The following MYRIP variants were observed in gnomAD, a reference collection of about 807,000 sequenced individuals.
The protein encoded by MYRIP is rab effector MyRIP.
In MYRIP, 49 loss-of-function variants were observed where a neutral mutation model predicts 98.0. The observed-to-expected ratio is 0.50, with a 90% CI of 0.40 to 0.63. The LOEUF (loss-of-function observed/expected upper bound fraction) is 0.63, where lower values mean the gene tolerates loss of function less well. MYRIP is among the 30% of genes least tolerant of loss of function. The pLI, the probability that MYRIP is intolerant of heterozygous loss-of-function variation, is 0.00. For synonymous variants in MYRIP, 404 were observed against 409.5 expected (o/e 0.99, Z 0.16); for missense variants, 1,004 against 1,058.2 (o/e 0.95, Z 0.71).
At chr3:39,994,702 G>A (rs1218136115) in intron 2 of MYRIP, among the ~76,000 whole-genome samples, 1 of 152,222 alleles carries the variant, frequency 6.6e-6, no homozygotes, top group Non-Finnish European at 1.5e-5. Context: ...GGTTCTCCCA[G>A]CATGCAGCTG....
At chr3:40,191,352 T>TATGCCC (rs1170338137) in intron 10 of MYRIP, among the ~76,000 whole-genome samples, 5 of 152,206 alleles carry the variant, frequency 3.3e-5, no homozygotes, top group Non-Finnish European at 4.4e-5. Context: ...TTGATTGTGC[T>TATGCCC]ATGCCCTTGC....
chr3:39,997,550 C>CA (rs1459338454), intron 2 of MYRIP, among the ~76,000 whole-genome samples: 7 of 152,060 alleles, frequency 4.6e-5, no homozygotes, highest in African/African-American at 1.7e-4. Flanking sequence ...TAATAGCTTA[C>CA]CAACCAAAAA....
rs9876130 is a variant in MYRIP at position 40,087,497 on chromosome 3, A to T, written c.332+43226A>T. Among the ~76,000 whole-genome samples the T allele has an allele frequency of 7.1e-3, 1,074 of 152,266 alleles. 17 individuals carry two copies. Among genetic ancestry groups the T allele is most frequent in the African/African-American group, 0.024 (1,015 of 41,542 alleles). ...AGTGTGTTATGAGAGACCAGGCTTT[A>T]GTTCTATTACAGAGGGCATTTATCT... On this transcript the variant is annotated intron_variant, in intron 3 of 16. Transcript: ENST00000302541.
intron 1 of MYRIP, among the ~76,000 whole-genome samples, chr3:39,850,831 G>A (rs1008885667): frequency 2.6e-5 from 4 of 152,300 alleles, no homozygotes; most frequent in Admixed American, 6.5e-5. Flanking sequence ...ATAGTAGAGA[G>A]AGCAAAGAGG....
chr3:40,206,565 C>T (rs1432675199), intron 10 of MYRIP, among the ~76,000 whole-genome samples: 1 of 152,150 alleles, frequency 6.6e-6, no homozygotes, highest in Non-Finnish European at 1.5e-5. Context: ...CTGACAATAT[C>T]CACCTCAACC....
At chr3:40,151,715 C>T (rs889292039) in intron 4 of MYRIP, among the ~76,000 whole-genome samples, 4 of 152,154 alleles carry the variant, frequency 2.6e-5, no homozygotes, top group South Asian at 2.1e-4. Flanking sequence ...GATAACCAAG[C>T]TACTTGGAAT....
chr3:40,257,488 C>T (rs1299987449), intron 16 of MYRIP, among the ~76,000 whole-genome samples: 2 of 152,126 alleles, frequency 1.3e-5, no homozygotes, highest in African/African-American at 4.8e-5. Flanking sequence ...ATAAATAACT[C>T]TCATATGCTT....
rs542763998 is a variant in MYRIP at position 40,180,679 on chromosome 3, C to G, written c.874-1541C>G. Among the ~76,000 whole-genome samples, 12 of 152,324 alleles carry G rather than the reference C, an allele frequency of 7.9e-5. No individual in the cohort carries two copies. The South Asian group carries it at 2.5e-3, about 32-fold the overall frequency. ...TCGAAAGGCAGGTCTGGAGGCCCAT[C>G]ATGCTCTCTCTTCTATATTTGAAGG... On this transcript the variant is annotated intron_variant, in intron 8 of 16. Transcript: ENST00000302541.
intron 2 of MYRIP, among the ~76,000 whole-genome samples, chr3:39,950,878 G>A (rs1342512862): frequency 1.3e-5 from 2 of 152,174 alleles, no homozygotes; most frequent in East Asian, 3.9e-4. Flanking sequence ...ATAAGTGAGA[G>A]CAGTGGAATC....
intron 7 of MYRIP, among the ~76,000 whole-genome samples, chr3:40,167,544 T>C (rs192573103): frequency 4.3e-4 from 65 of 152,294 alleles, no homozygotes; most frequent in Non-Finnish European, 8.4e-4. Flanking sequence ...CTTTCTGTCT[T>C]CCACAGCCAA....
At chr3:40,068,316 A>G (rs1559386832) in intron 3 of MYRIP, among the ~76,000 whole-genome samples, 1 of 152,238 alleles carries the variant, frequency 6.6e-6, no homozygotes, top group Non-Finnish European at 1.5e-5. Context: ...TCATTTAAAA[A>G]ATTCTAACTA....
intron 12 of MYRIP, among the ~76,000 whole-genome samples, chr3:40,236,436 G>A (rs1414139157): frequency 6.6e-6 from 1 of 152,154 alleles, no homozygotes; most frequent in East Asian, 1.9e-4. Context: ...AGGAGGGGTG[G>A]GTGTTGACTG....
chr3:40,098,798 T>TA (rs1210707316), intron 3 of MYRIP, among the ~76,000 whole-genome samples: 1 of 125,616 alleles, frequency 8.0e-6, no homozygotes, highest in Non-Finnish European at 1.7e-5. Context: ...AGATCAGAGA[T>TA]AAAATGACCT....
Position 40,044,234 on chromosome 3 carries a change from G to A in MYRIP, c.295G>A (p.Glu99Lys), listed in dbSNP as rs764858695. 30 of 1,614,060 alleles carry A rather than the reference G, an allele frequency of 1.9e-5. No individual in the cohort carries two copies. The highest frequency in any genetic ancestry group is 4.4e-5 in the South Asian group (4 of 91,086). ...CKSCCSYQKH[E>K]KAWVCCVCQQ... ...GAGCTGCTGCTCCTACCAGAAGCACGAAAAGGCCTGGGTCTGCTGCGTCTG... is the reference window on the plus strand; with the variant it reads ...GAGCTGCTGCTCCTACCAGAAGCACAAAAAGGCCTGGGTCTGCTGCGTCTG... Residue 99 changes from glutamate (E) to lysine (K), a missense_variant, in exon 3 of 17, where the codon GAA becomes AAA. By Grantham distance (56) the Glu-to-Lys change is moderately conservative. Transcript: ENST00000302541.
intron 2 of MYRIP, among the ~76,000 whole-genome samples, chr3:40,024,928 C>A (rs1380312799): frequency 6.6e-6 from 1 of 152,164 alleles, no homozygotes; most frequent in Non-Finnish European, 1.5e-5. Context: ...GCAGCTTTTA[C>A]TTTTTGGTGC....
intron 3 of MYRIP, among the ~76,000 whole-genome samples, chr3:40,073,895 T>A (rs556675869): frequency 6.6e-6 from 1 of 152,214 alleles, no homozygotes; most frequent in South Asian, 2.1e-4. Flanking sequence ...TAAGGACCTT[T>A]CAATTCTACT....
intron 1 of MYRIP, among the ~76,000 whole-genome samples, chr3:39,892,500 G>T (rs1418477898): frequency 6.6e-6 from 1 of 152,138 alleles, no homozygotes; most frequent in African/African-American, 2.4e-5. Context: ...TGCATTGCTA[G>T]AAATTTAGAT....
rs551854533 is a variant in MYRIP, at chr3:39,869,484, A to G, written c.-30-31303A>G. On this transcript the variant is annotated intron_variant, in intron 1 of 16. Transcript: ENST00000302541. Reference sequence around the variant, plus strand: ...TATACTTTCACTTAAGTCTTGAGACATGGTTTCTTTTAGTTCTTTGATAGT... The same window carrying G: ...TATACTTTCACTTAAGTCTTGAGACGTGGTTTCTTTTAGTTCTTTGATAGT... Among the ~76,000 whole-genome samples the G allele has an allele frequency of 2.6e-4, 40 of 152,188 alleles. 1 individual carries two copies. The South Asian group carries it at 8.1e-3, about 31-fold the overall frequency.
At chr3:39,934,049 C>A (rs115487824) in intron 2 of MYRIP, among the ~76,000 whole-genome samples, 1,529 of 152,302 alleles carry the variant, frequency 0.01, 20 homozygotes, top group Admixed American at 0.023. Flanking sequence ...TGGCATTCAG[C>A]AATGTGTGCT....
Sources: gnomAD v4.1 joint callset for allele counts (sites outside exome capture counted in the v4.1 genomes callset) on GRCh38, gnomAD v4.1.1 for gene constraint, MANE v1.5 for transcripts, NCBI Gene and HGNC (gene_info 2026-07-23, HGNC 2026-07-21) for gene names.